MARCHF1: variants seen among roughly 807,000 people sequenced by gnomAD.
MARCHF1 encodes E3 ubiquitin-protein ligase MARCHF1.
In MARCHF1, 40 loss-of-function variants were observed where a neutral mutation model predicts 54.2. The ratio of observed to expected loss-of-function variants is 0.74; its 90% confidence interval spans 0.57 to 0.96. The LOEUF is 0.96. Ranked by LOEUF, MARCHF1 falls within the 40% of genes least tolerant of loss-of-function variation. The pLI, the probability that MARCHF1 is intolerant of heterozygous loss-of-function variation, is 0.00. For missense variants in MARCHF1, 586 were observed against 656.5 expected, an observed-to-expected ratio of 0.89 and a Z score of 1.17; for synonymous variants, 236 against 236.3, an observed-to-expected ratio of 1.00 and a Z score of 0.01.
chr4:164,366,607 T>C (rs977815031), intron 1 of MARCHF1, among the ~76,000 whole-genome samples: 5 of 151,932 alleles, frequency 3.3e-5, no homozygotes, highest in Non-Finnish European at 5.9e-5. Context: ...ATATTAAATA[T>C]ATTTTTGATA....
At chr4:164,382,120 C>T (rs1279368921) in intron 1 of MARCHF1, among the ~76,000 whole-genome samples, 2 of 152,098 alleles carry the variant, frequency 1.3e-5, no homozygotes, top group Non-Finnish European at 2.9e-5. Context: ...TCTGATAGTC[C>T]CACCATTCAT....
chr4:163,958,230 C>A (rs1334494508), intron 3 of MARCHF1, among the ~76,000 whole-genome samples: 3 of 143,962 alleles, frequency 2.1e-5, no homozygotes, highest in African/African-American at 8.0e-5. Flanking sequence ...TCCCAAATGA[C>A]TTTCAATCAA....
At chr4:164,258,076 G>T (rs529882428) in intron 1 of MARCHF1, among the ~76,000 whole-genome samples, 4 of 152,216 alleles carry the variant, frequency 2.6e-5, no homozygotes, top group African/African-American at 4.8e-5. Flanking sequence ...GCAGCCATAA[G>T]AAAGGATGAG....
chr4:163,702,500 AAGAACT>A (rs1744838280), intron 4 of MARCHF1, among the ~76,000 whole-genome samples: 1 of 152,198 alleles, frequency 6.6e-6, no homozygotes, highest in East Asian at 1.9e-4. Context: ...GAACATGATT[AAGAACT>A]AGAATTGAAA....
chr4:163,688,323 G>A (rs1744335299), intron 5 of MARCHF1, among the ~76,000 whole-genome samples: 3 of 152,082 alleles, frequency 2.0e-5, no homozygotes, highest in South Asian at 2.1e-4. Flanking sequence ...CCATATCAAC[G>A]TATCATCTTT....
At chr4:164,257,485 C>A (rs1002273932) in intron 1 of MARCHF1, among the ~76,000 whole-genome samples, 1 of 97,262 alleles carries the variant, frequency 1.0e-5, no homozygotes, top group African/African-American at 3.3e-5. Flanking sequence ...TTTTCTAACA[C>A]ATTTGTTTTA....
intron 3 of MARCHF1, among the ~76,000 whole-genome samples, chr4:163,942,181 G>T (rs1010055658): frequency 3.9e-5 from 6 of 152,142 alleles, no homozygotes; most frequent in Non-Finnish European, 7.4e-5. Context: ...AAGCAGTAAG[G>T]TTTCACATCA....
rs555316295 is a variant in MARCHF1 at position 164,220,537 on chromosome 4, CT to C, written c.-322-108876del. 4.9e-5 allele frequency among the ~76,000 whole-genome samples: 7 copies of C among 142,878 alleles called. No individual in the cohort carries two copies. The South Asian group carries it at 1.5e-3, about 31-fold the overall frequency. The allele number at this position is 142,878 out of a possible 152,430, so 93.7% of individuals were successfully genotyped here. On this transcript the variant is annotated intron_variant, in intron 1 of 9. Transcript: ENST00000514618. ...TATATGTAATATATATGATATATAT[CT>C]ATATATGTACTATATATGATATATA...
At position 164,067,132 on chromosome 4, in the gene MARCHF1, A is replaced by T. The variant is rs79208348; in HGVS notation, c.-248+44456T>A. On this transcript the variant is annotated intron_variant, in intron 2 of 9. Coordinates refer to ENST00000514618, the MANE Select transcript of MARCHF1 (RefSeq NM_001394959.1). ...GTGTCCCTATTTTCATTAATTTCAA[A>T]ACATTATTTGATCATTACAATGTCC... Among the ~76,000 whole-genome samples the T allele has an allele frequency of 6.7e-3, 1,022 of 152,224 alleles. 14 individuals are homozygous for T. The highest frequency in any genetic ancestry group is 0.023 in the African/African-American group (960 of 41,530).
At chr4:164,136,780 TCCA>T (rs147558493) in intron 1 of MARCHF1, among the ~76,000 whole-genome samples, 6,636 of 152,238 alleles carry the variant, frequency 0.044, 478 homozygotes, top group African/African-American at 0.15. Flanking sequence ...GCATGAGCAG[TCCA>T]CCAACTCATG....
At chr4:164,124,153 G>A (rs947881357) in intron 1 of MARCHF1, among the ~76,000 whole-genome samples, 1 of 147,396 alleles carries the variant, frequency 6.8e-6, no homozygotes, top group Non-Finnish European at 1.5e-5. Context: ...ATGAAAAAGC[G>A]CTCAACATCA....
chr4:163,935,702 C>CTTTTTTTTTTTTTTTTTTTTTT (rs34331599), intron 3 of MARCHF1, among the ~76,000 whole-genome samples: 2 of 125,758 alleles, frequency 1.6e-5, no homozygotes, highest in Non-Finnish European at 1.7e-5. Context: ...TGCTTGCTTT[C>CTTTTTTTTTTTTTTTTTTTTTT]TTTTTTTTTT....
intron 1 of MARCHF1, among the ~76,000 whole-genome samples, chr4:164,149,626 C>A (rs942029769): frequency 6.6e-6 from 1 of 152,098 alleles, no homozygotes. Context: ...GCTTCAAGGA[C>A]TCCTTCAGTA....
At chr4:163,722,036 C>A (rs907514944) in intron 4 of MARCHF1, among the ~76,000 whole-genome samples, 1 of 151,940 alleles carries the variant, frequency 6.6e-6, no homozygotes, top group Admixed American at 6.6e-5. Flanking sequence ...TCCTTTAGTT[C>A]TTCTCTAATC....
intron 5 of MARCHF1, among the ~76,000 whole-genome samples, chr4:163,632,335 C>G (rs993283302): frequency 1.3e-5 from 2 of 152,146 alleles, no homozygotes; most frequent in South Asian, 2.1e-4. Flanking sequence ...TCTGAGGTAC[C>G]GGGTTCATCT....
At chr4:164,307,737 C>T (rs563369495) in intron 1 of MARCHF1, among the ~76,000 whole-genome samples, 36 of 152,286 alleles carry the variant, frequency 2.4e-4, no homozygotes, top group Non-Finnish European at 4.0e-4. Flanking sequence ...TAATTTCTGC[C>T]TTAAATTCGT....
chr4:164,186,842 G>A (rs1730983148), intron 1 of MARCHF1, among the ~76,000 whole-genome samples: 1 of 152,104 alleles, frequency 6.6e-6, no homozygotes, highest in African/African-American at 2.4e-5. Flanking sequence ...GGGCATTGAA[G>A]GTGTGTGACT....
At chr4:163,642,147 C>G (rs1028408099) in intron 5 of MARCHF1, among the ~76,000 whole-genome samples, 2 of 152,190 alleles carry the variant, frequency 1.3e-5, no homozygotes, top group Admixed American at 1.3e-4. Flanking sequence ...TTTAACTGAG[C>G]TTAAGTACGC....
At chr4:164,322,506 T>C (rs1386421060) in intron 1 of MARCHF1, among the ~76,000 whole-genome samples, 2 of 152,008 alleles carry the variant, frequency 1.3e-5, no homozygotes, top group Non-Finnish European at 2.9e-5. Context: ...TACTATTTGA[T>C]AGCACAGCAG....
Sources: allele counts gnomAD v4.1 joint callset (sites outside exome capture counted in the v4.1 genomes callset), GRCh38; gene constraint gnomAD v4.1.1; transcripts MANE v1.5; gene names NCBI Gene and HGNC (gene_info 2026-07-23, HGNC 2026-07-21).